SUPT3H: variants seen among roughly 807,000 people sequenced by gnomAD.
SUPT3H encodes the protein SPT3 homolog, SAGA and STAGA complex component.
SUPT3H carries 44 observed loss-of-function variants against 44.3 expected under a neutral mutation model. The observed-to-expected ratio is 0.99, with a 90% CI of 0.78 to 1.28. The LOEUF is 1.28. Among genes scored for constraint, SUPT3H ranks in the 50% most tolerant of loss-of-function variants. The probability of loss-of-function intolerance (pLI) is 0.00; values close to 1 mark genes in which losing one functional copy is unlikely to be tolerated. For missense variants in SUPT3H, 380 were observed against 387.1 expected (o/e 0.98, Z 0.15); for synonymous variants, 124 against 125.6 (o/e 0.99, Z 0.09).
At chr6:45,244,715 A>C (rs191126473) in intron 2 of SUPT3H, among the ~76,000 whole-genome samples, 1 of 152,300 alleles carries the variant, frequency 6.6e-6, no homozygotes, top group East Asian at 1.9e-4. Context: ...GTAAACTTCT[A>C]TCTCTTCCAC....
At chr6:45,224,237 G>T (rs1196786309) in intron 2 of SUPT3H, among the ~76,000 whole-genome samples, 1 of 151,688 alleles carries the variant, frequency 6.6e-6, no homozygotes, top group African/African-American at 2.4e-5. Flanking sequence ...TCTATTTAAA[G>T]ATGTTCTCAT....
intron 2 of SUPT3H, among the ~76,000 whole-genome samples, chr6:45,141,686 G>A (rs920365634): frequency 6.6e-6 from 1 of 151,948 alleles, no homozygotes; most frequent in Non-Finnish European, 1.5e-5. Flanking sequence ...CAGCCTCCAA[G>A]AAATTTGAGA....
At chr6:44,909,436 T>C (rs1766666661) in intron 10 of SUPT3H, among the ~76,000 whole-genome samples, 1 of 152,148 alleles carries the variant, frequency 6.6e-6, no homozygotes, top group African/African-American at 2.4e-5. Context: ...ATTTAGTCCT[T>C]TCCCCAACCT....
At chr6:45,241,209 C>A (rs1770253595) in intron 2 of SUPT3H, among the ~76,000 whole-genome samples, 1 of 142,958 alleles carries the variant, frequency 7.0e-6, no homozygotes, top group Admixed American at 6.8e-5. Context: ...GGAACAGGCC[C>A]CCCCCCAAAT....
chr6:45,112,213 T>C (rs1297105006), intron 2 of SUPT3H, among the ~76,000 whole-genome samples: 4 of 152,200 alleles, frequency 2.6e-5, no homozygotes, highest in East Asian at 1.9e-4. Flanking sequence ...AACACTGTTA[T>C]GAGAAAATCA....
chr6:44,985,956 ATC>A (rs1256247341), intron 6 of SUPT3H, among the ~76,000 whole-genome samples: 3 of 152,224 alleles, frequency 2.0e-5, no homozygotes, highest in Non-Finnish European at 2.9e-5. Context: ...AGATAAAGTA[ATC>A]TCTTATCAAC....
At chr6:45,181,417 A>AT (rs1295308255) in intron 2 of SUPT3H, among the ~76,000 whole-genome samples, 1 of 152,022 alleles carries the variant, frequency 6.6e-6, no homozygotes, top group Non-Finnish European at 1.5e-5. Context: ...ACATGCACAC[A>AT]TATGTTTATT....
intron 10 of SUPT3H, among the ~76,000 whole-genome samples, chr6:44,860,847 C>T (rs1326751763): frequency 6.6e-6 from 1 of 152,158 alleles, no homozygotes. Flanking sequence ...AGGATATACT[C>T]AATGTAGAAC....
At chr6:45,248,957 C>T (rs772553977) in intron 2 of SUPT3H, among the ~76,000 whole-genome samples, 9 of 151,052 alleles carry the variant, frequency 6.0e-5, no homozygotes, top group Admixed American at 2.6e-4. Context: ...GATGGCAATG[C>T]GAAATACAAA....
At chr6:45,062,394 G>C (rs926465748) in intron 3 of SUPT3H, among the ~76,000 whole-genome samples, 1 of 152,142 alleles carries the variant, frequency 6.6e-6, no homozygotes, top group Non-Finnish European at 1.5e-5. Context: ...TTACAGCCAA[G>C]ACACACTAAA....
intron 10 of SUPT3H, among the ~76,000 whole-genome samples, chr6:44,927,909 G>C (rs1197808365): frequency 1.3e-5 from 2 of 152,122 alleles, no homozygotes; most frequent in Non-Finnish European, 2.9e-5. Context: ...TGGTTGAGTG[G>C]AATGGTTTCC....
intron 2 of SUPT3H, among the ~76,000 whole-genome samples, chr6:45,221,609 G>A (rs1766070026): frequency 2.0e-5 from 3 of 152,074 alleles, no homozygotes; most frequent in Admixed American, 1.3e-4. Flanking sequence ...CACAGTTTAT[G>A]TTCATAGATT....
At chr6:45,117,120 A>C (rs931943890) in intron 2 of SUPT3H, among the ~76,000 whole-genome samples, 3 of 152,122 alleles carry the variant, frequency 2.0e-5, no homozygotes, top group Non-Finnish European at 4.4e-5. Context: ...TCATTAAAAA[A>C]AAAGTTATAA....
intron 2 of SUPT3H, among the ~76,000 whole-genome samples, chr6:45,310,389 G>C (rs549518809): frequency 1.3e-5 from 2 of 152,194 alleles, no homozygotes; most frequent in East Asian, 3.9e-4. Flanking sequence ...GGGAGTTCTA[G>C]GGCCCCACCC....
intron 10 of SUPT3H, among the ~76,000 whole-genome samples, chr6:44,883,307 A>C (rs200898344): frequency 3.3e-5 from 5 of 152,194 alleles, no homozygotes; most frequent in Admixed American, 2.6e-4. Context: ...ACCTAGGAAT[A>C]CAACTTACAA....
intron 2 of SUPT3H, among the ~76,000 whole-genome samples, chr6:45,151,017 A>G (rs1806887251): frequency 6.6e-6 from 1 of 152,112 alleles, no homozygotes; most frequent in Non-Finnish European, 1.5e-5. Context: ...CACCGCACCC[A>G]GCCATCTTTA....
chr6:45,061,906 T>C (rs1232616586), intron 3 of SUPT3H, among the ~76,000 whole-genome samples: 3 of 150,366 alleles, frequency 2.0e-5, no homozygotes, highest in Non-Finnish European at 3.0e-5. Context: ...TTTTTTTTTT[T>C]TTTTTTTTGG....
intron 2 of SUPT3H, among the ~76,000 whole-genome samples, chr6:45,158,315 T>TTG (rs2153599894): frequency 7.9e-6 from 1 of 126,430 alleles, no homozygotes; most frequent in East Asian, 2.0e-4. Flanking sequence ...TTTTTTTTTT[T>TTG]TTGAGATGGA....
At chr6:45,017,555 T>C (rs1459167615) in intron 4 of SUPT3H, among the ~76,000 whole-genome samples, 2 of 152,134 alleles carry the variant, frequency 1.3e-5, no homozygotes, top group East Asian at 3.8e-4. Context: ...GTTTCAGCTT[T>C]CTACATGTGG....
Sources: gnomAD v4.1 joint callset for allele counts (sites outside exome capture counted in the v4.1 genomes callset) on GRCh38, gnomAD v4.1.1 for gene constraint, MANE v1.5 for transcripts, NCBI Gene and HGNC (gene_info 2026-07-23, HGNC 2026-07-21) for gene names.